The following DUOX1 variants were observed in gnomAD, a reference collection of about 807,000 sequenced individuals.
DUOX1 encodes the protein dual oxidase 1.
In DUOX1, 134 loss-of-function variants were observed where a neutral mutation model predicts 181.8. The ratio of observed to expected loss-of-function variants is 0.74; its 90% CI spans 0.64 to 0.85. DUOX1 has a LOEUF of 0.85. Ranked by LOEUF, DUOX1 falls within the 40% of genes least tolerant of loss-of-function variation. DUOX1 has a pLI of 0.00. For synonymous variants in DUOX1, 798 were observed against 832.5 expected (o/e 0.96, Z 0.71); for missense variants, 1,814 against 2,064.4 (o/e 0.88, Z 2.35).
At chr15:45,138,043 GATGTGTGTGTGTGCATGCTT>G in intron 10 of DUOX1, 29 bp downstream of exon 10, 1 of 1,538,756 alleles carries the variant, frequency 6.5e-7, no homozygotes, top group Non-Finnish European at 8.9e-7. Flanking sequence ...ATATGTGGTG[GATGTGTGTGTGTGCATGCTT>G]ATGTGTGTGT....
Position 45,135,656 on chromosome 15 carries a change from C to A in DUOX1, c.678C>A (p.Asn226Lys). 6.6e-7 allele frequency: 1 copy of A among 1,510,238 alleles called. No individual in the cohort carries two copies. The highest frequency in any genetic ancestry group is 8.9e-7 in the Non-Finnish European group (1 of 1,128,748). The allele number at this position is 1,510,238 out of a possible 1,614,324, so 93.6% of individuals were successfully genotyped here. Residue 226 changes from asparagine to lysine, a missense_variant, in exon 6 of 34, where the codon AAC becomes AAA. Physicochemically the swap from Asn to Lys is moderately conservative, Grantham distance 94. Around this residue, in one of 5 missense-constraint regions of DUOX1, gnomAD observed 320 missense variants for 313.1 expected, o/e 1.02. Coordinates refer to ENST00000389037, the MANE Select transcript of DUOX1 (RefSeq NM_175940.3). Reference protein sequence around the residue: ...WAAPDPATGQNGPRGLYAFGA... With the variant: ...WAAPDPATGQKGPRGLYAFGA... ...CGCCCGACCCCGCCACCGGGCAGAA[C>A]GGGCCCCGGGGGCTGTACGGTGAGG...
rs773623061 is a variant in DUOX1, at chr15:45,135,256, G to A, written c.460G>A (p.Glu154Lys). 1.6e-5 allele frequency: 26 copies of A among 1,612,860 alleles called. No homozygotes were observed. The African/African-American group carries it at 3.5e-4, about 21-fold the overall frequency. ...LPFQRSRWDP[E>K]TGRSPSNPRD... ...CTTCCAGAGAAGCCGCTGGGACCCC[G>A]AGACCGGACGGAGTCCCAGCAATCC... The change falls in exon 5 of 34, where the codon GAG (glutamate) becomes AAG (lysine). Residue 154 changes from glutamate (E) to lysine (K), a missense_variant. Around this residue, in one of 5 missense-constraint regions of DUOX1, gnomAD observed 320 missense variants for 313.1 expected, o/e 1.02. Transcript: ENST00000389037.
intron 12 of DUOX1, chr15:45,139,980 C>T (rs1363111232): frequency 2.1e-6 from 2 of 934,146 alleles, no homozygotes; most frequent in Non-Finnish European, 3.2e-6. Flanking sequence ...GCTGTTACAC[C>T]CTGAGCTACC....
intron 17 of DUOX1, among the ~76,000 whole-genome samples, chr15:45,144,693 T>C (rs981204292): frequency 1.3e-5 from 2 of 152,252 alleles, no homozygotes; most frequent in Non-Finnish European, 2.9e-5. Flanking sequence ...AGAATGTCTT[T>C]GTACATGTGC....
chr15:45,139,355 G>A, intron 11 of DUOX1, 72 bp from the exon 12 acceptor site: 2 of 1,590,356 alleles, frequency 1.3e-6, no homozygotes, highest in Non-Finnish European at 1.7e-6. Context: ...GCTGGTTGGA[G>A]CTTGGGGCCT....
At chr15:45,149,769 T>C (rs1896757438) in intron 21 of DUOX1, among the ~76,000 whole-genome samples, 1 of 152,200 alleles carries the variant, frequency 6.6e-6, no homozygotes, top group Non-Finnish European at 1.5e-5. Context: ...CAAGAATCGC[T>C]TGAACCAGGA....
chr15:45,147,465 C>T lies in DUOX1; in HGVS notation c.2355C>T (p.Thr785=), dbSNP rs766420320. The change falls in exon 19 of 34, where the codon ACC becomes ACT. Residue 785 remains threonine, a synonymous_variant. Coordinates refer to ENST00000389037, the MANE Select transcript of DUOX1 (RefSeq NM_175940.3). ...VLDINQADAG[T]LPLDSSQKVR... ...ACATCAACCAGGCCGACGCAGGGAC[C>T]CTGCCCCTGGACTCCTCCCAGAAGG... is the stretch of plus-strand genomic sequence containing the variant. 8 of 1,613,996 alleles carry T rather than the reference C, an allele frequency of 5.0e-6. No individual in the cohort carries two copies. The highest frequency in any genetic ancestry group is 6.8e-6 in the Non-Finnish European group (8 of 1,179,968).
At chr15:45,151,036 C>T in intron 22 of DUOX1, 87 bp from the exon 23 acceptor site, 1 of 1,561,980 alleles carries the variant, frequency 6.4e-7, no homozygotes, top group East Asian at 2.2e-5. Flanking sequence ...CCTTCCTCAG[C>T]AGAATGGGTT....
At chr15:45,156,694 G>A (rs1006374539) in intron 28 of DUOX1, among the ~76,000 whole-genome samples, 4 of 152,178 alleles carry the variant, frequency 2.6e-5, no homozygotes, top group Non-Finnish European at 5.9e-5. Context: ...GCCTCCCAAA[G>A]TGCTGGGATT....
At chr15:45,164,465 C>CG (rs1449753227) in intron 33 of DUOX1, among the ~76,000 whole-genome samples, 1 of 141,764 alleles carries the variant, frequency 7.1e-6, no homozygotes, top group Non-Finnish European at 1.5e-5. Context: ...GCACTGCTGG[C>CG]TTTTTTTTTT....
chr15:45,156,471 C>T (rs979403632), intron 28 of DUOX1, among the ~76,000 whole-genome samples: 9 of 152,248 alleles, frequency 5.9e-5, no homozygotes, highest in Middle Eastern at 3.4e-3. Context: ...CTCGCCCTGT[C>T]GCCCAGGCTG....
Position 45,144,994 on chromosome 15 carries a change from C to A in DUOX1, c.2236C>A (p.Arg746=), listed in dbSNP as rs747868839. ...SGLSIQEWEL[R]EQELMRAAVT... ...GTTGAGCATCCAGGAGTGGGAGCTG[C>A]GGGAGCAGGAGCTGATGAGAGCAGC... is the stretch of plus-strand genomic sequence containing the variant. Residue 746 remains arginine, a synonymous_variant, in exon 18 of 34, where the codon CGG becomes AGG. Coordinates refer to ENST00000389037, the MANE Select transcript of DUOX1 (RefSeq NM_175940.3). The A allele has an allele frequency of 2.5e-6, 4 of 1,613,992 alleles. No individual in the cohort carries two copies. The highest frequency in any genetic ancestry group is 4.5e-5 in the East Asian group (2 of 44,890).
At chr15:45,153,546 G>GTGTA (rs1476471302) in intron 26 of DUOX1, 67 bp downstream of exon 26, 1 of 277,822 alleles carries the variant, frequency 3.6e-6, no homozygotes, top group African/African-American at 4.4e-5. Flanking sequence ...GTGTGTGTGT[G>GTGTA]TATAATGGGG....
In DUOX1 at chr15:45,164,993, C is replaced by T. The variant is rs949557166; in HGVS notation, c.*92C>T. ...TTCTTCCTATTTCTGGCTGCCTCAG[C>T]CTTCTCTGATTTCCCACCTCCCAAC... On this transcript the variant is annotated 3_prime_UTR_variant, in exon 34 of 34. Coordinates refer to ENST00000389037, the MANE Select transcript of DUOX1 (RefSeq NM_175940.3). The T allele has an allele frequency of 2.8e-6, 4 of 1,452,854 alleles. No homozygotes were observed. In the African/African-American group the frequency reaches 5.6e-5, roughly 20 times the overall value. 90.0% of individuals were successfully genotyped at this position (1,452,854 alleles called of 1,614,324 possible).
intron 5 of DUOX1, 21 bp from the exon 6 acceptor site, chr15:45,135,453 C>T (rs1339689760): frequency 1.3e-6 from 2 of 1,544,652 alleles, no homozygotes; most frequent in African/African-American, 2.8e-5. Flanking sequence ...GACCCGGGCT[C>T]ACCCGCCGCG....
chr15:45,165,222 G>A lies in DUOX1; in HGVS notation c.*321G>A. ...CTCAGAAGACAAGCTGACCTGACAAGTACTATGTGTGTGCATGTCTGTATG... is the reference window on the plus strand; with the variant it reads ...CTCAGAAGACAAGCTGACCTGACAAATACTATGTGTGTGCATGTCTGTATG... On this transcript the variant is annotated 3_prime_UTR_variant, in exon 34 of 34. Transcript: ENST00000389037. The A allele has an allele frequency of 4.9e-6, 2 of 410,160 alleles. No homozygotes were observed. Among genetic ancestry groups the A allele is most frequent in the South Asian group, 6.1e-5 (2 of 32,736 alleles). The allele number at this position is 410,160 out of a possible 1,614,324, so 25.4% of individuals were successfully genotyped here.
At chr15:45,162,195 T>G (rs1325291492) in intron 30 of DUOX1, 24 bp from the exon 31 acceptor site, 5 of 1,589,500 alleles carry the variant, frequency 3.1e-6, no homozygotes, top group Admixed American at 1.7e-5. Context: ...CAAGCTTAAC[T>G]GAAACCCACG....
intron 12 of DUOX1, 24 bp from the exon 13 acceptor site, chr15:45,140,867 TCTTA>T: frequency 6.2e-7 from 1 of 1,609,748 alleles, no homozygotes; most frequent in Non-Finnish European, 8.5e-7. Flanking sequence ...GTGTCCTTTC[TCTTA>T]CTTCTGCCCC....
At chr15:45,157,344 T>C (rs1896990257) in intron 28 of DUOX1, among the ~76,000 whole-genome samples, 1 of 152,200 alleles carries the variant, frequency 6.6e-6, no homozygotes. Flanking sequence ...CTACTGCTTC[T>C]GTTGGGGGTG....
Sources: allele counts gnomAD v4.1 joint callset (sites outside exome capture counted in the v4.1 genomes callset), GRCh38; gene constraint gnomAD v4.1.1; regional missense constraint gnomAD v4.1.1; transcripts MANE v1.5; gene names NCBI Gene and HGNC (gene_info 2026-07-23, HGNC 2026-07-21).